POFUT1: variants seen among roughly 807,000 people sequenced by gnomAD.
POFUT1 encodes GDP-fucose protein O-fucosyltransferase 1.
In POFUT1, 16 loss-of-function variants were observed where a neutral mutation model predicts 42.4. The ratio of observed to expected loss-of-function variants is 0.38; its 90% CI spans 0.26 to 0.57. The LOEUF (loss-of-function observed/expected upper bound fraction) is 0.57. Ranked by LOEUF, POFUT1 falls within the 20% of genes least tolerant of loss-of-function variation. The pLI is 0.71. For synonymous variants in POFUT1, 206 were observed against 205.4 expected (o/e 1.00, Z -0.03); for missense variants, 470 against 504.6 (o/e 0.93, Z 0.66).
At chr20:32,215,512 CT>C in intron 3 of POFUT1, 61 bp downstream of exon 3, 1 of 1,393,156 alleles carries the variant, frequency 7.2e-7, no homozygotes, top group Non-Finnish European at 9.8e-7. Flanking sequence ...GCCCCCAAGA[CT>C]ATGTCATGGC....
intron 4 of POFUT1, among the ~76,000 whole-genome samples, chr20:32,222,239 G>T (rs1429027796): frequency 6.6e-6 from 1 of 152,178 alleles, no homozygotes; most frequent in African/African-American, 2.4e-5. Context: ...GGAGGCGGAG[G>T]TTGCAGTGAG....
At chr20:32,213,163 G>A (rs2047339308) in intron 2 of POFUT1, among the ~76,000 whole-genome samples, 1 of 151,962 alleles carries the variant, frequency 6.6e-6, no homozygotes, top group Admixed American at 6.6e-5. Context: ...TGGGATTATA[G>A]GTGAAAGTGA....
At chr20:32,223,216 A>C in intron 4 of POFUT1, 1 of 985,470 alleles carries the variant, frequency 1.0e-6, no homozygotes, top group African/African-American at 1.7e-5. Flanking sequence ...CAAGAGGCAA[A>C]GGGCCTGACC....
At chr20:32,224,033 T>C (rs970578187) in intron 4 of POFUT1, among the ~76,000 whole-genome samples, 7 of 152,124 alleles carry the variant, frequency 4.6e-5, no homozygotes, top group African/African-American at 7.2e-5. Flanking sequence ...ACACAAACAA[T>C]TGGAGCATTG....
At chr20:32,221,010 G>C (rs763303176) in intron 4 of POFUT1, among the ~76,000 whole-genome samples, 1 of 152,112 alleles carries the variant, frequency 6.6e-6, no homozygotes, top group Non-Finnish European at 1.5e-5. Flanking sequence ...CACTTCTGTC[G>C]GGTGCTATTG....
chr20:32,215,577 G>C (rs2047355840), intron 3 of POFUT1, 126 bp downstream of exon 3: 1 of 836,828 alleles, frequency 1.2e-6, no homozygotes, highest in Admixed American at 2.6e-5. Context: ...GGAGATTTAA[G>C]TCCTGTTTCT....
chr20:32,231,804 T>G (rs530933453), intron 6 of POFUT1, among the ~76,000 whole-genome samples: 1 of 152,308 alleles, frequency 6.6e-6, no homozygotes, highest in South Asian at 2.1e-4. Context: ...TAGTAGAAAT[T>G]GGTGGCTGAT....
intron 2 of POFUT1, among the ~76,000 whole-genome samples, chr20:32,213,220 C>T (rs111785615): frequency 0.058 from 8,826 of 151,998 alleles, 915 homozygotes; most frequent in African/African-American, 0.2. Context: ...ATATGCCAGG[C>T]GCAGTGGGAG....
In POFUT1 at chr20:32,237,843, T is replaced by C; in HGVS notation, c.*3182T>C. 1 of 534,362 alleles carries C rather than the reference T, an allele frequency of 1.9e-6. No homozygotes were observed. The highest frequency in any genetic ancestry group is 1.4e-5 in the South Asian group (1 of 71,538). The allele number at this position is 534,362 out of a possible 1,614,324, so 33.1% of individuals were successfully genotyped here. ...CTAGACTAGGACTCCAGTGCCCTCC[T>C]CTCCCAAGAGACAAAGGCCATTGCA... On this transcript the variant is annotated 3_prime_UTR_variant, in exon 7 of 7. Coordinates refer to ENST00000375749, the MANE Select transcript of POFUT1 (RefSeq NM_015352.2).
chr20:32,216,068 A>G (rs1040500145), intron 3 of POFUT1, among the ~76,000 whole-genome samples: 3 of 152,318 alleles, frequency 2.0e-5, no homozygotes, highest in Non-Finnish European at 4.4e-5. Context: ...AAAGAAATTT[A>G]TACATTTCTG....
intron 4 of POFUT1, chr20:32,217,996 T>C (rs553295494): frequency 6.5e-6 from 1 of 152,694 alleles, no homozygotes; most frequent in East Asian, 1.9e-4. Flanking sequence ...TTTCCCTGAG[T>C]CTGTGGGTTG....
At chr20:32,223,729 A>T in intron 4 of POFUT1, 1 of 974,516 alleles carries the variant, frequency 1.0e-6, no homozygotes, top group Non-Finnish European at 1.2e-6. Context: ...TATTCTAAAA[A>T]TATTTATCAT....
At chr20:32,216,873 G>A in intron 4 of POFUT1, 152 bp downstream of exon 4, 1 of 1,498,716 alleles carries the variant, frequency 6.7e-7, no homozygotes, top group Non-Finnish European at 9.0e-7. Context: ...AATCCTGTGT[G>A]ATCTGTTCCC....
rs759158523 is a variant in POFUT1 at position 32,237,800 on chromosome 20, CTG to C, written c.*3140_*3141del. 1 of 534,674 alleles carries C rather than the reference CTG, an allele frequency of 1.9e-6. No individual in the cohort carries two copies. Among genetic ancestry groups the C allele is most frequent in the Admixed American group, 1.9e-5 (1 of 51,602 alleles). The allele number at this position is 534,674 out of a possible 1,614,324, so 33.1% of individuals were successfully genotyped here. A position where few individuals can be genotyped will look rare whatever the true frequency, so the allele number is the denominator to read the frequency against. On this transcript the variant is annotated 3_prime_UTR_variant, in exon 7 of 7. Coordinates refer to ENST00000375749, the MANE Select transcript of POFUT1 (RefSeq NM_015352.2). ...TGTTAACAGGGTTGCAGGCGAGAGA[CTG>C]GGGTGCTGGGCTCCCCTAGACTAGG... is the stretch of plus-strand genomic sequence containing the variant.
chr20:32,221,085 C>T (rs6058558), intron 4 of POFUT1, among the ~76,000 whole-genome samples: 4,643 of 152,146 alleles, frequency 0.031, 269 homozygotes, highest in African/African-American at 0.11. Flanking sequence ...ATCTGCCACA[C>T]GGGAAAAGAG....
At chr20:32,216,322 A>G (rs980897534) in intron 3 of POFUT1, among the ~76,000 whole-genome samples, 2 of 152,174 alleles carry the variant, frequency 1.3e-5, no homozygotes, top group African/African-American at 2.4e-5. Context: ...CCTTGGTTCA[A>G]AATCCAAGGT....
At chr20:32,219,246 T>C (rs1296150286) in intron 4 of POFUT1, among the ~76,000 whole-genome samples, 2 of 152,098 alleles carry the variant, frequency 1.3e-5, no homozygotes, top group Admixed American at 6.6e-5. Context: ...GAGATGGTGC[T>C]TAGAAGGATA....
intron 1 of POFUT1, among the ~76,000 whole-genome samples, chr20:32,208,457 C>T (rs567761183): frequency 1.3e-5 from 2 of 152,068 alleles, no homozygotes; most frequent in South Asian, 2.1e-4. Flanking sequence ...CTGGGAATAC[C>T]GCAGTGAATA....
Position 32,235,708 on chromosome 20 carries a change from G to A in POFUT1, c.*1047G>A, listed in dbSNP as rs995041419. ...CTCTGCCAACACCATGAGGCTTAAG[G>A]TGCTCTAAGTCATGAGTGTTTTGGT... On this transcript the variant is annotated 3_prime_UTR_variant, in exon 7 of 7. Transcript: ENST00000375749. 2 of 152,246 alleles carry A rather than the reference G, an allele frequency of 1.3e-5. No homozygotes were observed. The highest frequency in any genetic ancestry group is 4.8e-5 in the African/African-American group (2 of 41,470). 9.4% of individuals were successfully genotyped at this position (152,246 alleles called of 1,614,324 possible).
Sources: allele counts gnomAD v4.1 joint callset (sites outside exome capture counted in the v4.1 genomes callset), GRCh38; gene constraint gnomAD v4.1.1; transcripts MANE v1.5; gene names NCBI Gene and HGNC (gene_info 2026-07-23, HGNC 2026-07-21).